Variants in FGFBP1 observed in about 807,000 individuals in gnomAD.
FGFBP1 encodes fibroblast growth factor-binding protein 1.
In FGFBP1, 12 loss-of-function variants were observed where a neutral mutation model predicts 14.6. That is an observed-to-expected ratio of 0.82 (90% CI 0.53 to 1.33). The LOEUF (loss-of-function observed/expected upper bound fraction) is 1.33, where lower values mean the gene tolerates loss of function less well. Ranked by LOEUF, FGFBP1 falls within the 40% of genes most tolerant of loss-of-function variation. The pLI is 0.00. For synonymous variants in FGFBP1, 117 were observed against 105.0 expected (o/e 1.11, Z -0.70); for missense variants, 317 against 271.8 (o/e 1.17, Z -1.17).
At position 15,936,496 on chromosome 4, in the gene FGFBP1, G is replaced by A. The variant is rs377163162; in HGVS notation, c.137C>T (p.Thr46Ile). ...VSEQKDTLGN[T>I]QIKQKSRPGN... ...GGGCCTGCTTTTCTGCTTAATCTGG[G>A]TGTTGCCCAGAGTGTCCTTTTGTTC... The change falls in exon 3 of 3, where the codon ACC (threonine) becomes ATC (isoleucine). Residue 46 changes from threonine to isoleucine, a missense_variant. Transcript: ENST00000382333. 7 of 1,614,034 alleles carry A rather than the reference G, an allele frequency of 4.3e-6. No individual in the cohort carries two copies. Among genetic ancestry groups the A allele is most frequent in the Non-Finnish European group, 5.9e-6 (7 of 1,180,034 alleles).
In FGFBP1 at chr4:15,936,553, A is replaced by AC. The variant is rs1712499680; in HGVS notation, c.79dup (p.Val27GlyfsTer23). ...CACTTTGCTGTGAAGTCCATTCTTC[A>AC]CTTTTTTTTTCCCCTCCACCAGGAG... On this transcript the variant is annotated frameshift_variant, in exon 3 of 3. Transcript: ENST00000382333. LOFTEE classifies it high-confidence loss of function. The AC allele has an allele frequency of 1.2e-6, 2 of 1,612,020 alleles. No homozygotes were observed. Among genetic ancestry groups the AC allele is most frequent in the Non-Finnish European group, 1.7e-6 (2 of 1,179,300 alleles).
In FGFBP1 at chr4:15,936,506, G is replaced by GA. The variant is rs755883789; in HGVS notation, c.126dup (p.Leu43SerfsTer7). 3 of 1,614,178 alleles carry GA rather than the reference G, an allele frequency of 1.9e-6. No homozygotes were observed. The highest frequency in any genetic ancestry group is 1.7e-6 in the Non-Finnish European group (2 of 1,180,022). On this transcript the variant is annotated frameshift_variant, in exon 3 of 3. Coordinates refer to ENST00000382333, the MANE Select transcript of FGFBP1 (RefSeq NM_005130.5). LOFTEE classifies it high-confidence loss of function. ...TTCTGCTTAATCTGGGTGTTGCCCA[G>GA]AGTGTCCTTTTGTTCTGAGACCACT... is the stretch of plus-strand genomic sequence containing the variant.
intron 2 of FGFBP1, among the ~76,000 whole-genome samples, 161 bp downstream of exon 2, chr4:15,938,090 G>A (rs938968483): frequency 3.3e-5 from 5 of 152,228 alleles, no homozygotes; most frequent in Admixed American, 6.5e-5. Flanking sequence ...ATGGTGAAGA[G>A]GAGACTGGAT....
rs561220848 is a variant in FGFBP1, at chr4:15,936,718, G to C, written c.-20-66C>G. ...TTCAGCTGTGCAGGACTACACGCTGGCCTCCCCCTACCCTGACAGGTGCCT... is the reference window on the plus strand; with the variant it reads ...TTCAGCTGTGCAGGACTACACGCTGCCCTCCCCCTACCCTGACAGGTGCCT... On this transcript the variant is annotated intron_variant, in intron 2 of 2. Coordinates refer to ENST00000382333, the MANE Select transcript of FGFBP1 (RefSeq NM_005130.5). 10 of 955,526 alleles carry C rather than the reference G, an allele frequency of 1.0e-5. No homozygotes were observed. In the East Asian group the frequency reaches 2.5e-4, roughly 23 times the overall value. The allele number at this position is 955,526 out of a possible 1,614,324, so 59.2% of individuals were successfully genotyped here.
At chr4:15,937,605 G>A (rs577585665) in intron 2 of FGFBP1, among the ~76,000 whole-genome samples, 109 of 152,288 alleles carry the variant, frequency 7.2e-4, no homozygotes, top group Middle Eastern at 3.4e-3. Context: ...CTAAGTACTG[G>A]TCTAGGGTTT....
rs1183937746 is a variant in FGFBP1 at position 15,936,349 on chromosome 4, A to G, written c.284T>C (p.Val95Ala). The change falls in exon 3 of 3, where the codon GTC becomes GCC. Residue 95 changes from valine to alanine, a missense_variant. By Grantham distance (64) the Val-to-Ala change is moderately conservative (BLOSUM62 0). Coordinates refer to ENST00000382333, the MANE Select transcript of FGFBP1 (RefSeq NM_005130.5). ...CTQLDHEFSC[V>A]FAGNPTSCLK... ...GCATGAGGTTGGATTGCCAGCAAAGACACAGGAAAATTCATGGTCCAATTG... is the reference window on the plus strand; with the variant it reads ...GCATGAGGTTGGATTGCCAGCAAAGGCACAGGAAAATTCATGGTCCAATTG... The G allele has an allele frequency of 6.2e-7, 1 of 1,614,072 alleles. No individual in the cohort carries two copies. Among genetic ancestry groups the G allele is most frequent in the African/African-American group, 1.3e-5 (1 of 74,936 alleles).
intron 2 of FGFBP1, 62 bp from the exon 3 acceptor site, chr4:15,936,714 G>A (rs960754700): frequency 2.7e-5 from 27 of 1,014,482 alleles, no homozygotes; most frequent in African/African-American, 9.6e-5. Flanking sequence ...AGGACTACAC[G>A]CTGGCCTCCC....
rs1300154961 is a variant in FGFBP1 at position 15,938,374 on chromosome 4, T to C, written c.-144A>G. 1.3e-5 allele frequency: 2 copies of C among 152,280 alleles called. No individual in the cohort carries two copies. Among genetic ancestry groups the C allele is most frequent in the African/African-American group, 4.8e-5 (2 of 41,438 alleles). The allele number at this position is 152,280 out of a possible 1,614,324, so 9.4% of individuals were successfully genotyped here. A position where few individuals can be genotyped will look rare whatever the true frequency, so the allele number is the denominator to read the frequency against. On this transcript the variant is annotated 5_prime_UTR_variant, in exon 2 of 3. Coordinates refer to ENST00000382333, the MANE Select transcript of FGFBP1 (RefSeq NM_005130.5). The stretch of plus-strand genomic sequence containing the variant: ...AACAGGAGCCAGGCTGACTGGGTTT[T>C]TATAACACTCACTGGGTTTTTACAA...
intron 2 of FGFBP1, among the ~76,000 whole-genome samples, chr4:15,937,205 G>C (rs556434114): frequency 1.0e-4 from 15 of 143,480 alleles, no homozygotes; most frequent in Admixed American, 3.1e-4. Context: ...AATGAGAAAA[G>C]ACATGACAGA....
At position 15,936,004 on chromosome 4, in the gene FGFBP1, G is replaced by A. The variant is rs1439039901; in HGVS notation, c.629C>T (p.Ala210Val). Residue 210 changes from alanine (A) to valine (V), a missense_variant, in exon 3 of 3, where the codon GCC becomes GTC. Coordinates refer to ENST00000382333, the MANE Select transcript of FGFBP1 (RefSeq NM_005130.5). ...DPDMANQRKT[A>V]LEFCGETWSS... ...CCAAGTCTCTCCACAGAACTCCAGGGCAGTCTTCCTCTGGTTTGCCATATC... is the reference window on the plus strand; with the variant it reads ...CCAAGTCTCTCCACAGAACTCCAGGACAGTCTTCCTCTGGTTTGCCATATC... The A allele has an allele frequency of 8.1e-6, 13 of 1,614,082 alleles. No homozygotes were observed. The highest frequency in any genetic ancestry group is 1.1e-5 in the South Asian group (1 of 91,074).
In FGFBP1 at chr4:15,936,451, A is replaced by G. The variant is rs139500556; in HGVS notation, c.182T>C (p.Val61Ala). Residue 61 changes from valine to alanine, a missense_variant, in exon 3 of 3, where the codon GTC (valine) becomes GCC (alanine). Transcript: ENST00000382333. ...KSRPGNKGKF[V>A]TKDQANCRWA... ...TCTGCAGTTGGCTTGGTCTTTGGTG[A>G]CAAACTTGCCTTTGTTCCCGGGCCT... 30 of 1,614,074 alleles carry G rather than the reference A, an allele frequency of 1.9e-5. No individual in the cohort carries two copies. The highest frequency in any genetic ancestry group is 2.4e-5 in the Non-Finnish European group (28 of 1,180,028).
At position 15,936,191 on chromosome 4, in the gene FGFBP1, G is replaced by C. The variant is rs755225263; in HGVS notation, c.442C>G (p.Leu148Val). ...AATAGAGTGGAGCTGACTAGCTTAA[G>C]ACTGGATTCTGGAAAATCCTTTCTG... ...VCRKDFPESS[L>V]KLVSSTLFGN... The change falls in exon 3 of 3, where the codon CTT becomes GTT. Residue 148 changes from leucine (L) to valine (V), a missense_variant. Leu to Val is a conservative substitution (Grantham distance 32). Transcript: ENST00000382333. 5 of 1,614,162 alleles carry C rather than the reference G, an allele frequency of 3.1e-6. No homozygotes were observed. Among genetic ancestry groups the C allele is most frequent in the South Asian group, 1.1e-5 (1 of 91,082 alleles).
Position 15,936,122 on chromosome 4 carries a change from T to C in FGFBP1, c.511A>G (p.Arg171Gly), listed in dbSNP as rs778164120. 3 of 1,614,044 alleles carry C rather than the reference T, an allele frequency of 1.9e-6. No homozygotes were observed. Among genetic ancestry groups the C allele is most frequent in the South Asian group, 1.1e-5 (1 of 91,082 alleles). ...PRKEKTEMSP[R>G]EHIKGKETTP... ...GTCTCTTTGCCTTTGATGTGCTCCC[T>C]GGGGGACATCTCTGTTTTCTCCTTC... The change falls in exon 3 of 3, where the codon AGG becomes GGG. Residue 171 changes from arginine to glycine, a missense_variant. Physicochemically the swap from Arg to Gly is moderately radical, Grantham distance 125. Transcript: ENST00000382333.
In FGFBP1 at chr4:15,938,487, T is replaced by C. The variant is rs1222992196; in HGVS notation, c.-241-16A>G. ...AGGGAAAGTGCTGGATGTAATCCAGTGAAAAGGGGGGTTACCTGCATGCCA... is the reference window on the plus strand; with the variant it reads ...AGGGAAAGTGCTGGATGTAATCCAGCGAAAAGGGGGGTTACCTGCATGCCA... On this transcript the variant is annotated splice_polypyrimidine_tract_variant and intron_variant, in intron 1 of 2. Transcript: ENST00000382333. 1 of 152,216 alleles carries C rather than the reference T, an allele frequency of 6.6e-6. No homozygotes were observed. The highest frequency in any genetic ancestry group is 1.5e-5 in the Non-Finnish European group (1 of 68,036). The allele number at this position is 152,216 out of a possible 1,614,324, so 9.4% of individuals were successfully genotyped here. A position where few individuals can be genotyped will look rare whatever the true frequency, so the allele number is the denominator to read the frequency against.
rs1369329423 is a variant in FGFBP1, at chr4:15,936,290, G to A, written c.343C>T (p.Gln115Ter). 1.9e-6 allele frequency: 3 copies of A among 1,614,076 alleles called. No individual in the cohort carries two copies. The highest frequency in any genetic ancestry group is 2.7e-5 in the African/African-American group (2 of 74,920). Reference protein sequence around the residue: ...KLKDERVYWKQVARNLRSQKD... With the variant: ...KLKDERVYWK ...TGTGAGCGCAGATTCCGGGCAACTT[G>A]TTTCCAATAGACTCTCTCATCCTTG... The change falls in exon 3 of 3, where the codon CAA becomes TAA. Residue 115 changes from glutamine (Q) to a stop codon, truncating the protein, a stop_gained. Transcript: ENST00000382333. LOFTEE classifies it high-confidence loss of function.
At position 15,936,052 on chromosome 4, in the gene FGFBP1, GC is replaced by G; in HGVS notation, c.580del (p.Ala194LeufsTer35). 6.2e-7 allele frequency: 1 copy of G among 1,614,160 alleles called. No homozygotes were observed. Among genetic ancestry groups the G allele is most frequent in the Non-Finnish European group, 8.5e-7 (1 of 1,179,998 alleles). ...ATCTGGGTCCTCCACACACTCGGGA[GC>G]TTTGGTGGCCATGGTCTGGGTCACT... ...LAVTQTMATKAPECVEDPDMA... is the reference protein window; with the variant it reads ...LAVTQTMATKXPECVEDPDMA... On this transcript the variant is annotated frameshift_variant, in exon 3 of 3. Transcript: ENST00000382333. LOFTEE classifies it high-confidence loss of function.
In FGFBP1 at chr4:15,936,563, T is replaced by A. The variant is rs201240184; in HGVS notation, c.70A>T (p.Lys24Ter). The A allele has an allele frequency of 3.7e-5, 60 of 1,613,312 alleles. No homozygotes were observed. Among genetic ancestry groups the A allele is most frequent in the Non-Finnish European group, 5.0e-5 (59 of 1,180,000 alleles). Reference sequence around the variant, plus strand: ...TGAAGTCCATTCTTCACTTTTTTTTTCCCCTCCACCAGGAGCACCTGAGCA... The same window carrying A: ...TGAAGTCCATTCTTCACTTTTTTTTACCCCTCCACCAGGAGCACCTGAGCA... The part of the protein sequence containing the change: ...LAAQVLLVEG[K>*]KKVKNGLHSK... The change falls in exon 3 of 3, where the codon AAA becomes TAA. Residue 24 changes from lysine (K) to a stop codon, truncating the protein, a stop_gained. Coordinates refer to ENST00000382333, the MANE Select transcript of FGFBP1 (RefSeq NM_005130.5). LOFTEE classifies it high-confidence loss of function.
In FGFBP1 at chr4:15,936,325, C is replaced by G; in HGVS notation, c.308G>C (p.Cys103Ser). 6.2e-7 allele frequency: 1 copy of G among 1,614,194 alleles called. No homozygotes were observed. Among genetic ancestry groups the G allele is most frequent in the Non-Finnish European group, 8.5e-7 (1 of 1,180,036 alleles). ...SCVFAGNPTS[C>S]LKLKDERVYW... The stretch of plus-strand genomic sequence containing the variant: ...GACTCTCTCATCCTTGAGCTTTAGG[C>G]ATGAGGTTGGATTGCCAGCAAAGAC... The change falls in exon 3 of 3, where the codon TGC (cysteine) becomes TCC (serine). Residue 103 changes from cysteine to serine, a missense_variant. Physicochemically the swap from Cys to Ser is moderately radical, Grantham distance 112 (BLOSUM62 -1). Coordinates refer to ENST00000382333, the MANE Select transcript of FGFBP1 (RefSeq NM_005130.5).
intron 2 of FGFBP1, among the ~76,000 whole-genome samples, chr4:15,937,335 G>A (rs918950549): frequency 6.6e-6 from 1 of 152,128 alleles, no homozygotes; most frequent in South Asian, 2.1e-4. Flanking sequence ...CTTTTTGTGG[G>A]GAAGTAAGAG....
Sources: gnomAD v4.1 joint callset for allele counts (sites outside exome capture counted in the v4.1 genomes callset) on GRCh38, gnomAD v4.1.1 for gene constraint, MANE v1.5 for transcripts, NCBI Gene and HGNC (gene_info 2026-07-23, HGNC 2026-07-21) for gene names.